The following PHF14 variants were observed in gnomAD, a reference collection of about 807,000 sequenced individuals.
PHF14 encodes the protein PHD finger protein 14.
Under a neutral mutation model 117.9 loss-of-function variants are expected in PHF14, and 55 were observed. That is an observed-to-expected ratio of 0.47 (90% confidence interval 0.38 to 0.58). The LOEUF (loss-of-function observed/expected upper bound fraction) is 0.58. PHF14 is among the 20% of genes least tolerant of loss of function. The pLI is 0.00. For missense variants in PHF14, 978 were observed against 1,122.2 expected (o/e 0.87, Z 1.84); for synonymous variants, 409 against 368.6 (o/e 1.11, Z -1.26).
At chr7:11,027,232 CTT>C (rs1783951494) in intron 6 of PHF14, among the ~76,000 whole-genome samples, 2 of 152,144 alleles carry the variant, frequency 1.3e-5, no homozygotes, top group Non-Finnish European at 2.9e-5. Context: ...CTTTATCTCT[CTT>C]GCTCAATCTC....
At chr7:11,120,861 G>A (rs188664944) in intron 17 of PHF14, among the ~76,000 whole-genome samples, 4 of 152,182 alleles carry the variant, frequency 2.6e-5, no homozygotes, top group Admixed American at 1.3e-4. Context: ...AATAGGAAAA[G>A]ATCTAACTCA....
At chr7:11,086,656 G>A (rs1236903231) in intron 16 of PHF14, among the ~76,000 whole-genome samples, 1 of 152,106 alleles carries the variant, frequency 6.6e-6, no homozygotes, top group Non-Finnish European at 1.5e-5. Context: ...ATTTTAATTA[G>A]TGGTACTTAT....
intron 16 of PHF14, among the ~76,000 whole-genome samples, chr7:11,070,676 C>G (rs904526374): frequency 2.0e-5 from 3 of 152,160 alleles, no homozygotes; most frequent in African/African-American, 7.2e-5. Context: ...ATGCTGTGAT[C>G]CATTTTGCTT....
At chr7:11,099,155 C>G (rs917916764) in intron 16 of PHF14, among the ~76,000 whole-genome samples, 2 of 151,998 alleles carry the variant, frequency 1.3e-5, no homozygotes, top group African/African-American at 4.8e-5. Flanking sequence ...AAAATGTTTA[C>G]TTGGTATATT....
At chr7:11,167,005 AAC>A (rs1382028417) in intron 17 of PHF14, among the ~76,000 whole-genome samples, 4 of 152,334 alleles carry the variant, frequency 2.6e-5, no homozygotes, top group African/African-American at 9.6e-5. Context: ...ATATATTTAA[AAC>A]ATATTCAAAT....
rs3801443 is a variant in PHF14 at position 11,062,722 on chromosome 7, A to G, written c.2654+637A>G. ...TGATGCTGCACATTGGCTTTTCCCA[A>G]CGGTCCAGAGGCTGCTAATTTTAGC... On this transcript the variant is annotated intron_variant, in intron 16 of 17. Transcript: ENST00000634607. 3,282 of 985,218 alleles carry G rather than the reference A, an allele frequency of 3.3e-3. 88 individuals are homozygous for G. In the East Asian group the frequency reaches 0.1, roughly 31 times the overall value. 61.0% of individuals were successfully genotyped at this position (985,218 alleles called of 1,614,324 possible).
In PHF14 at chr7:11,130,800, TA is replaced by T. The variant is rs1788073749; in HGVS notation, c.2772+19336del. Among the ~76,000 whole-genome samples, 1 of 151,982 alleles carries T rather than the reference TA, an allele frequency of 6.6e-6. No individual in the cohort carries two copies. The highest frequency in any genetic ancestry group is 2.4e-5 in the African/African-American group (1 of 41,426). Reference sequence around the variant, plus strand: ...TGTCATACAGAATAGTTCACTGCCCTAAAGATCTCCTGTGCTCTGCCTATTC... The same window carrying T: ...TGTCATACAGAATAGTTCACTGCCCTAAGATCTCCTGTGCTCTGCCTATTC... On this transcript the variant is annotated intron_variant, in intron 17 of 17. Transcript: ENST00000634607. This position sits in a 1 kb window ranked among gnomAD's most constrained non-coding sequence, Gnocchi z 4.2.
chr7:10,974,760 G>A, intron 1 of PHF14, 75 bp from the exon 2 acceptor site: 2 of 769,682 alleles, frequency 2.6e-6, no homozygotes, highest in South Asian at 3.4e-5. Context: ...TCATCTTTAT[G>A]TTCTCTTAGC....
At chr7:11,093,787 T>A (rs1786738689) in intron 16 of PHF14, among the ~76,000 whole-genome samples, 1 of 152,176 alleles carries the variant, frequency 6.6e-6, no homozygotes, top group African/African-American at 2.4e-5. Context: ...CTTTTTCCTA[T>A]GGCAGCTTTA....
chr7:11,126,528 A>T (rs1562478270), intron 17 of PHF14, among the ~76,000 whole-genome samples: 1 of 152,084 alleles, frequency 6.6e-6, no homozygotes, highest in Non-Finnish European at 1.5e-5. Flanking sequence ...TATGAATCTA[A>T]TTTTTGCAGT....
chr7:11,042,850 G>T, intron 13 of PHF14, 36 bp downstream of exon 13: 1 of 1,424,628 alleles, frequency 7.0e-7, no homozygotes, highest in South Asian at 1.3e-5. Flanking sequence ...TGTTTGAATT[G>T]ATTTACTCTT....
chr7:11,097,066 G>A (rs541484632), intron 16 of PHF14, among the ~76,000 whole-genome samples: 2 of 139,396 alleles, frequency 1.4e-5, no homozygotes, highest in African/African-American at 2.8e-5. Context: ...TGCAACCTCT[G>A]CCTCCCAGGT....
rs929342924 is a variant in PHF14 at position 11,023,932 on chromosome 7, A to C, written c.1317+953A>C. Among the ~76,000 whole-genome samples the C allele has an allele frequency of 5.9e-5, 9 of 152,368 alleles. No homozygotes were observed. The South Asian group carries it at 8.3e-4, about 14-fold the overall frequency. On this transcript the variant is annotated intron_variant, in intron 6 of 17. Coordinates refer to ENST00000634607, the MANE Select transcript of PHF14 (RefSeq NM_001007157.2). ...CATCTGTCACTTTAAATTAAAAGCT[A>C]GAAATGATTAAGCTTAGTGAGGAAG...
intron 17 of PHF14, among the ~76,000 whole-genome samples, chr7:11,165,353 T>C (rs1485660822): frequency 6.6e-6 from 1 of 152,218 alleles, no homozygotes; most frequent in Non-Finnish European, 1.5e-5. Context: ...CCGTTTTTAA[T>C]ACATCGTATC....
intron 17 of PHF14, among the ~76,000 whole-genome samples, chr7:11,140,559 T>C (rs985701131): frequency 3.3e-5 from 5 of 152,132 alleles, no homozygotes; most frequent in African/African-American, 1.2e-4. Flanking sequence ...GATGAGATCT[T>C]TCATTGTTCA....
intron 16 of PHF14, among the ~76,000 whole-genome samples, chr7:11,065,235 ATATT>A (rs1315299811): frequency 1.3e-5 from 2 of 152,034 alleles, no homozygotes; most frequent in African/African-American, 4.8e-5. Context: ...AACTAAATAT[ATATT>A]TCTTTATGCT....
chr7:11,104,597 AT>A, intron 16 of PHF14: 1 of 983,992 alleles, frequency 1.0e-6, no homozygotes, highest in Non-Finnish European at 1.2e-6. Flanking sequence ...ACATGAAAAT[AT>A]CAGGAAGGAG....
chr7:11,003,759 G>T (rs193178916), intron 4 of PHF14, among the ~76,000 whole-genome samples: 4 of 152,242 alleles, frequency 2.6e-5, no homozygotes, highest in African/African-American at 9.6e-5. Context: ...AATTATAAGT[G>T]ACATATGAGT....
intron 4 of PHF14, among the ~76,000 whole-genome samples, chr7:10,998,690 G>T (rs1160052539): frequency 6.6e-6 from 1 of 152,132 alleles, no homozygotes; most frequent in Non-Finnish European, 1.5e-5. Context: ...GGCAGTGTTT[G>T]TTACATTGAT....
Sources: gnomAD v4.1 joint callset for allele counts (sites outside exome capture counted in the v4.1 genomes callset) on GRCh38, gnomAD v4.1.1 for gene constraint, Gnocchi (gnomAD v3.1) non-coding constraint, MANE v1.5 for transcripts, NCBI Gene and HGNC (gene_info 2026-07-23, HGNC 2026-07-21) for gene names.